DIP2C: variants seen among roughly 807,000 people sequenced by gnomAD.
The protein encoded by DIP2C is disco-interacting protein 2 homolog C.
In DIP2C, 33 loss-of-function variants were observed where a neutral mutation model predicts 192.4. The observed-to-expected ratio is 0.17, with a 90% CI of 0.13 to 0.23. DIP2C has a LOEUF of 0.23. Among genes scored for constraint, DIP2C ranks in the 10% least tolerant of loss-of-function variants. The pLI is 1.00. For missense variants in DIP2C, 1,537 were observed against 2,110.1 expected, an observed-to-expected ratio of 0.73 and a Z score of 5.32; for synonymous variants, 979 against 864.1, an observed-to-expected ratio of 1.13 and a Z score of -2.33.
intron 3 of DIP2C, among the ~76,000 whole-genome samples, chr10:454,449 T>C (rs902617102): frequency 3.3e-5 from 5 of 151,744 alleles, no homozygotes; most frequent in Non-Finnish European, 5.9e-5. Context: ...GAGAAAGAGG[T>C]AGTATACAAA....
chr10:628,093 T>C (rs1000778879), intron 1 of DIP2C, among the ~76,000 whole-genome samples: 3 of 152,232 alleles, frequency 2.0e-5, no homozygotes, highest in African/African-American at 7.2e-5. Context: ...AGGTAGCTCA[T>C]ACCTTTCCTA....
intron 1 of DIP2C, among the ~76,000 whole-genome samples, chr10:501,012 A>G (rs1272818801): frequency 6.6e-6 from 1 of 152,210 alleles, no homozygotes; most frequent in African/African-American, 2.4e-5. Flanking sequence ...ACCAGAAGTT[A>G]TATGTAATAA....
At chr10:480,772 G>A (rs1484815036) in intron 2 of DIP2C, among the ~76,000 whole-genome samples, 1 of 152,214 alleles carries the variant, frequency 6.6e-6, no homozygotes, top group African/African-American at 2.4e-5. Context: ...GCTCCCTGTG[G>A]CAGAACACGT....
intron 9 of DIP2C, among the ~76,000 whole-genome samples, chr10:407,497 A>C (rs967851415): frequency 6.6e-6 from 1 of 152,172 alleles, no homozygotes; most frequent in African/African-American, 2.4e-5. Flanking sequence ...TAATTCTTTG[A>C]GGGACTGTCA....
At position 441,379 on chromosome 10, in the gene DIP2C, C is replaced by T. The variant is rs554136450; in HGVS notation, c.269-383G>A. 7.2e-5 allele frequency among the ~76,000 whole-genome samples: 11 copies of T among 152,274 alleles called. No individual in the cohort carries two copies. In the East Asian group the frequency reaches 7.7e-4, roughly 11 times the overall value. Reference sequence around the variant, plus strand: ...TGCCTCGCACCCCAACTCACAGCCACGGTCACAGCTCAGCTGAGCACCAGC... The same window carrying T: ...TGCCTCGCACCCCAACTCACAGCCATGGTCACAGCTCAGCTGAGCACCAGC... On this transcript the variant is annotated intron_variant, in intron 3 of 36. Transcript: ENST00000280886.
At chr10:585,651 T>C (rs1850976653) in intron 1 of DIP2C, among the ~76,000 whole-genome samples, 1 of 152,150 alleles carries the variant, frequency 6.6e-6, no homozygotes, top group African/African-American at 2.4e-5. Context: ...ACCGGCGTCC[T>C]GCAGGGGCCT....
intron 17 of DIP2C, among the ~76,000 whole-genome samples, chr10:373,465 T>C (rs1216766332): frequency 6.6e-6 from 1 of 152,200 alleles, no homozygotes; most frequent in Non-Finnish European, 1.5e-5. Context: ...TTATTCTATG[T>C]TGGCAGAAAA....
chr10:618,508 C>T (rs1414921400), intron 1 of DIP2C, among the ~76,000 whole-genome samples: 2 of 152,242 alleles, frequency 1.3e-5, no homozygotes, highest in Non-Finnish European at 2.9e-5. Context: ...AGCAGGCGCC[C>T]ACCATGCTAA....
intron 3 of DIP2C, 139 bp downstream of exon 3, chr10:472,300 C>A: frequency 3.1e-6 from 2 of 650,102 alleles, no homozygotes; most frequent in African/African-American, 1.8e-5. Flanking sequence ...GAGGGTGTGT[C>A]CGTGCAGAAA....
intron 14 of DIP2C, among the ~76,000 whole-genome samples, chr10:386,705 G>A (rs1042056091): frequency 1.3e-5 from 2 of 152,184 alleles, no homozygotes; most frequent in Non-Finnish European, 2.9e-5. Flanking sequence ...GCCAAGAAAC[G>A]GCGAATACAG....
At chr10:384,661 G>A (rs1273682357) in intron 14 of DIP2C, 22 bp from the exon 15 acceptor site, 10 of 1,611,692 alleles carry the variant, frequency 6.2e-6, no homozygotes, top group African/African-American at 1.3e-5. Flanking sequence ...AAAGGAACAC[G>A]CAGGGTGAGC....
At chr10:429,222 C>A (rs1271054913) in intron 4 of DIP2C, among the ~76,000 whole-genome samples, 1 of 102,048 alleles carries the variant, frequency 9.8e-6, no homozygotes, top group Admixed American at 9.2e-5. Context: ...CGGACCCTGG[C>A]TGCCTCCCCC....
In DIP2C at chr10:491,958, A is replaced by G. The variant is rs151165129; in HGVS notation, c.86-5428T>C. 1.0e-3 allele frequency among the ~76,000 whole-genome samples: 153 copies of G among 152,168 alleles called. 3 individuals are homozygous for G. Among genetic ancestry groups the G allele is most frequent in the African/African-American group, 3.6e-3 (150 of 41,540 alleles). On this transcript the variant is annotated intron_variant, in intron 1 of 36. Coordinates refer to ENST00000280886, the MANE Select transcript of DIP2C (RefSeq NM_014974.3). ...GCTCAGAATCCTGACCCCAGAAAACAGGGGCTAGGAGGAATCTCAAAATCC... is the reference window on the plus strand; with the variant it reads ...GCTCAGAATCCTGACCCCAGAAAACGGGGGCTAGGAGGAATCTCAAAATCC...
At chr10:337,942 A>C (rs1957945362) in intron 29 of DIP2C, among the ~76,000 whole-genome samples, 1 of 131,904 alleles carries the variant, frequency 7.6e-6, no homozygotes, top group South Asian at 2.5e-4. Flanking sequence ...TGTGCTGTGG[A>C]GGCCTAGACA....
chr10:511,739 C>T (rs1368403410), intron 1 of DIP2C, among the ~76,000 whole-genome samples: 2 of 152,168 alleles, frequency 1.3e-5, no homozygotes, highest in African/African-American at 4.8e-5. Flanking sequence ...TCACAGGGAG[C>T]ACCGAACAGG....
intron 8 of DIP2C, among the ~76,000 whole-genome samples, chr10:413,077 TCCTCCTGCCTCAGCTCCC>T (rs758848290): frequency 4.7e-4 from 71 of 152,242 alleles, no homozygotes; most frequent in Middle Eastern, 3.4e-3. Flanking sequence ...CTCGACCTCC[TCCTCCTGCCTCAGCTCCC>T]AAGCAGCTGG....
At chr10:615,464 G>A (rs1853400920) in intron 1 of DIP2C, among the ~76,000 whole-genome samples, 1 of 152,144 alleles carries the variant, frequency 6.6e-6, no homozygotes, top group East Asian at 1.9e-4. Flanking sequence ...TGAGGAATCA[G>A]TCATTTACAG....
intron 6 of DIP2C, among the ~76,000 whole-genome samples, chr10:417,159 C>T (rs1965696799): frequency 6.6e-6 from 1 of 152,032 alleles, no homozygotes; most frequent in Non-Finnish European, 1.5e-5. Context: ...CATACCATTC[C>T]ACCAGGCCAA....
At chr10:306,356 G>A (rs1956319762) in intron 32 of DIP2C, among the ~76,000 whole-genome samples, 1 of 152,052 alleles carries the variant, frequency 6.6e-6, no homozygotes, top group Admixed American at 6.5e-5. Flanking sequence ...ACCCCTGTTC[G>A]ACAACTGACT....
Sources: gnomAD v4.1 joint callset for allele counts (sites outside exome capture counted in the v4.1 genomes callset) on GRCh38, gnomAD v4.1.1 for gene constraint, MANE v1.5 for transcripts, NCBI Gene and HGNC (gene_info 2026-07-23, HGNC 2026-07-21) for gene names.